CNTN5: variants seen among roughly 807,000 people sequenced by gnomAD.
The protein encoded by CNTN5 is contactin 5.
A neutral mutation model predicts 129.1 loss-of-function variants in CNTN5; 77 were observed. That is an observed-to-expected ratio of 0.60 (90% CI 0.50 to 0.72). CNTN5 has a LOEUF of 0.72. Among genes scored for constraint, CNTN5 ranks in the 30% least tolerant of loss-of-function variants. The pLI, the probability that CNTN5 is intolerant of heterozygous loss-of-function variation, is 0.00. For missense variants in CNTN5, 1,478 were observed against 1,328.8 expected (o/e 1.11, Z -1.75); for synonymous variants, 509 against 465.6 (o/e 1.09, Z -1.20).
intron 8 of CNTN5, among the ~76,000 whole-genome samples, chr11:99,993,049 T>A (rs951660674): frequency 6.6e-6 from 1 of 152,214 alleles, no homozygotes; most frequent in African/African-American, 2.4e-5. Context: ...TCTTTGACTG[T>A]GTGTCTTATG....
At chr11:100,210,364 A>G (rs1425197714) in intron 15 of CNTN5, among the ~76,000 whole-genome samples, 1 of 151,106 alleles carries the variant, frequency 6.6e-6, no homozygotes, top group African/African-American at 2.4e-5. Flanking sequence ...AAAAAAAAAA[A>G]AAAGTCCAGA....
rs935766000 is a variant in CNTN5 at position 99,307,155 on chromosome 11, C to T, written c.-209-18191C>T. 4.6e-5 allele frequency among the ~76,000 whole-genome samples: 7 copies of T among 152,224 alleles called. No homozygotes were observed. In the South Asian group the frequency reaches 8.3e-4, roughly 18 times the overall value. On this transcript the variant is annotated intron_variant, in intron 1 of 24. Coordinates refer to ENST00000524871, the MANE Select transcript of CNTN5 (RefSeq NM_014361.4). ...ATAGTATTTAAATATTTTCCTAGTG[C>T]CTCATATGGCATACAAGAAAATCAA...
chr11:99,319,229 T>G (rs982423838), intron 1 of CNTN5, among the ~76,000 whole-genome samples: 4 of 152,196 alleles, frequency 2.6e-5, no homozygotes, highest in African/African-American at 9.7e-5. Context: ...TCATTGGTAT[T>G]TACTTCATGA....
At chr11:100,135,339 C>G (rs1460436933) in intron 13 of CNTN5, among the ~76,000 whole-genome samples, 1 of 151,884 alleles carries the variant, frequency 6.6e-6, no homozygotes, top group African/African-American at 2.4e-5. Context: ...CCATGCCCAG[C>G]TAATTTTTTA....
intron 13 of CNTN5, among the ~76,000 whole-genome samples, chr11:100,079,319 T>C (rs1228161472): frequency 6.6e-6 from 1 of 152,170 alleles, no homozygotes; most frequent in East Asian, 1.9e-4. Context: ...CTTTCTCCAG[T>C]CATTAAGGAA....
chr11:99,756,736 T>C (rs1267822614), intron 3 of CNTN5, among the ~76,000 whole-genome samples: 2 of 152,086 alleles, frequency 1.3e-5, no homozygotes, highest in Non-Finnish European at 2.9e-5. Flanking sequence ...TAACTCTTTC[T>C]TGCATATTCT....
intron 6 of CNTN5, among the ~76,000 whole-genome samples, chr11:99,909,542 G>A (rs1243968636): frequency 1.3e-5 from 2 of 152,222 alleles, no homozygotes; most frequent in Non-Finnish European, 2.9e-5. Flanking sequence ...ATTCACAATA[G>A]CAAAGACTTG....
At chr11:99,907,450 C>G (rs1045820108) in intron 6 of CNTN5, among the ~76,000 whole-genome samples, 2 of 151,808 alleles carry the variant, frequency 1.3e-5, no homozygotes, top group Non-Finnish European at 2.9e-5. Context: ...AAATAAGGAA[C>G]AAAACTATGT....
In CNTN5 at chr11:99,492,149, C is replaced by A. The variant is rs553677849; in HGVS notation, c.-70-63996C>A. Among the ~76,000 whole-genome samples the A allele has an allele frequency of 3.9e-5, 6 of 152,248 alleles. No individual in the cohort carries two copies. In the South Asian group the frequency reaches 1.2e-3, roughly 32 times the overall value. ...GCCAACAAAGATACTTTGTTCATGG[C>A]CCATTGTTCAAACATTGCAGGATGG... On this transcript the variant is annotated intron_variant, in intron 2 of 24. Transcript: ENST00000524871.
chr11:99,556,592 T>TATATATATA (rs1179424515), intron 3 of CNTN5, among the ~76,000 whole-genome samples: 8 of 138,678 alleles, frequency 5.8e-5, no homozygotes, highest in Non-Finnish European at 1.1e-4. Flanking sequence ...TATATATATA[T>TATATATATA]ATCTCCCACA....
intron 2 of CNTN5, among the ~76,000 whole-genome samples, chr11:99,341,955 C>T (rs972809841): frequency 6.6e-6 from 1 of 152,092 alleles, no homozygotes; most frequent in South Asian, 2.1e-4. Flanking sequence ...GGAGGAATCA[C>T]TACAATAATC....
At position 100,299,167 on chromosome 11, in the gene CNTN5, A is replaced by C. The variant is rs371569885; in HGVS notation, c.2391A>C (p.Val797=). ...RHELVIAWEP[V]SEEFQNGEGF... is the part of the protein sequence containing the mutation. ...ATTATATTTTTCTTCTTTAGCCAGT[A>C]TCTGAAGAGTTTCAGAATGGGGAAG... Residue 797 remains valine (V), a synonymous_variant, in exon 20 of 25, where the codon GTA becomes GTC. Coordinates refer to ENST00000524871, the MANE Select transcript of CNTN5 (RefSeq NM_014361.4). The C allele has an allele frequency of 5.0e-6, 8 of 1,588,950 alleles. No individual in the cohort carries two copies. The African/African-American group carries it at 1.1e-4, about 21-fold the overall frequency.
chr11:99,333,384 T>A (rs957177899), intron 2 of CNTN5, among the ~76,000 whole-genome samples: 2 of 151,972 alleles, frequency 1.3e-5, no homozygotes, highest in African/African-American at 4.8e-5. Flanking sequence ...ACTTATAAAT[T>A]CTCATGCATT....
intron 2 of CNTN5, among the ~76,000 whole-genome samples, chr11:99,443,599 C>G (rs116749593): frequency 7.8e-4 from 119 of 152,258 alleles, no homozygotes; most frequent in African/African-American, 2.8e-3. Flanking sequence ...ATAGCAATGG[C>G]TCAAATAGAA....
intron 1 of CNTN5, among the ~76,000 whole-genome samples, chr11:99,191,285 A>C (rs1337655311): frequency 6.6e-6 from 1 of 151,794 alleles, no homozygotes; most frequent in Non-Finnish European, 1.5e-5. Context: ...CATCAGGAAT[A>C]TTGGCCTATA....
chr11:99,609,588 G>T (rs1950535066), intron 3 of CNTN5, among the ~76,000 whole-genome samples: 1 of 152,102 alleles, frequency 6.6e-6, no homozygotes, highest in African/African-American at 2.4e-5. Flanking sequence ...AACAGGAATT[G>T]GTTGATATGC....
intron 18 of CNTN5, among the ~76,000 whole-genome samples, chr11:100,277,074 G>A (rs1565392568): frequency 6.6e-6 from 1 of 152,044 alleles, no homozygotes; most frequent in Non-Finnish European, 1.5e-5. Context: ...AACATGTGAT[G>A]TTTGTCTTTC....
intron 1 of CNTN5, among the ~76,000 whole-genome samples, chr11:99,182,745 T>A (rs2135569338): frequency 6.6e-6 from 1 of 152,322 alleles, no homozygotes. Flanking sequence ...CAAGCCAGTA[T>A]ATACCAATAA....
chr11:99,505,512 C>A (rs1565239268), intron 2 of CNTN5, among the ~76,000 whole-genome samples: 1 of 152,158 alleles, frequency 6.6e-6, no homozygotes, highest in East Asian at 1.9e-4. Flanking sequence ...TTGAATGATT[C>A]ACTCTGGTCA....
Sources: allele counts gnomAD v4.1 joint callset (sites outside exome capture counted in the v4.1 genomes callset), GRCh38; gene constraint gnomAD v4.1.1; transcripts MANE v1.5; gene names NCBI Gene and HGNC (gene_info 2026-07-23, HGNC 2026-07-21).